UBASH3B: variants seen among roughly 807,000 people sequenced by gnomAD.
The protein encoded by UBASH3B is ubiquitin-associated and SH3 domain-containing protein B.
In UBASH3B, 37 loss-of-function variants were observed where a neutral mutation model predicts 83.4. That is an observed-to-expected ratio of 0.44 (90% CI 0.34 to 0.58). The LOEUF is 0.58. Ranked by LOEUF, UBASH3B falls within the 20% of genes least tolerant of loss-of-function variation. The pLI, the probability that UBASH3B is intolerant of heterozygous loss-of-function variation, is 0.01. For synonymous variants in UBASH3B, 304 were observed against 318.3 expected (o/e 0.96, Z 0.48); for missense variants, 657 against 827.2 (o/e 0.79, Z 2.52).
At chr11:122,658,013 T>C (rs1219445951) in intron 1 of UBASH3B, among the ~76,000 whole-genome samples, 2 of 151,872 alleles carry the variant, frequency 1.3e-5, no homozygotes, top group Non-Finnish European at 2.9e-5. Context: ...CTGTCTTTAC[T>C]AAAAATACAA....
intron 1 of UBASH3B, among the ~76,000 whole-genome samples, chr11:122,720,608 CCT>C (rs1175013113): frequency 6.6e-6 from 1 of 152,206 alleles, no homozygotes; most frequent in African/African-American, 2.4e-5. Context: ...GCATGTACCT[CCT>C]TGCCCATTCA....
intron 1 of UBASH3B, among the ~76,000 whole-genome samples, chr11:122,735,006 A>G (rs999311511): frequency 6.6e-6 from 1 of 152,160 alleles, no homozygotes; most frequent in African/African-American, 2.4e-5. Flanking sequence ...GCCATTCAGG[A>G]GTGAACTTTT....
intron 1 of UBASH3B, among the ~76,000 whole-genome samples, chr11:122,688,375 T>C (rs1264034218): frequency 6.6e-6 from 1 of 151,852 alleles, no homozygotes. Flanking sequence ...GCAATTCTCC[T>C]GTCTCAGTCT....
At chr11:122,670,095 G>T (rs1863573946) in intron 1 of UBASH3B, among the ~76,000 whole-genome samples, 1 of 152,176 alleles carries the variant, frequency 6.6e-6, no homozygotes. Flanking sequence ...CAGTGGGGTT[G>T]GCTGTCTAGT....
In UBASH3B at chr11:122,783,935, T is replaced by A. The variant is rs148717865; in HGVS notation, c.771+713T>A. 1.8e-4 allele frequency among the ~76,000 whole-genome samples: 27 copies of A among 150,134 alleles called. No individual in the cohort carries two copies. The East Asian group carries it at 5.0e-3, about 28-fold the overall frequency. ...AGTATGTGACATCTTGGAAGCATAA[T>A]ATTGCCTTTTTTTTTTTTTTTTAAA... On this transcript the variant is annotated intron_variant, in intron 5 of 13. Transcript: ENST00000284273.
At chr11:122,727,844 A>T (rs1288995785) in intron 1 of UBASH3B, among the ~76,000 whole-genome samples, 1 of 151,898 alleles carries the variant, frequency 6.6e-6, no homozygotes, top group Admixed American at 6.6e-5. Flanking sequence ...CCACCCAAAG[A>T]CCCAAAGAGA....
chr11:122,673,536 G>A (rs1863627495), intron 1 of UBASH3B, among the ~76,000 whole-genome samples: 1 of 152,170 alleles, frequency 6.6e-6, no homozygotes, highest in South Asian at 2.1e-4. Context: ...GCGGGCGCCT[G>A]TAGTCCCAGC....
intron 1 of UBASH3B, among the ~76,000 whole-genome samples, chr11:122,705,889 C>T (rs1864112164): frequency 6.6e-6 from 1 of 151,988 alleles, no homozygotes; most frequent in South Asian, 2.1e-4. Flanking sequence ...AGCTGATGCC[C>T]TTCTTTTGTG....
At chr11:122,723,026 C>A (rs1176270820) in intron 1 of UBASH3B, among the ~76,000 whole-genome samples, 1 of 152,168 alleles carries the variant, frequency 6.6e-6, no homozygotes, top group Non-Finnish European at 1.5e-5. Context: ...TTTCTTTCGC[C>A]ATGGGGCTAT....
At chr11:122,757,952 C>A (rs534286215) in intron 1 of UBASH3B, among the ~76,000 whole-genome samples, 1 of 147,580 alleles carries the variant, frequency 6.8e-6, no homozygotes, top group African/African-American at 2.4e-5. Context: ...ATGATCCACC[C>A]GCCTCGGCCT....
At chr11:122,771,748 AACACACACACACACACACACACACAC>A in intron 1 of UBASH3B, among the ~76,000 whole-genome samples, 1 of 147,238 alleles carries the variant, frequency 6.8e-6, no homozygotes, top group Non-Finnish European at 1.5e-5. Context: ...GCTGTGTTAA[AACACACACACACACACACACACACAC>A]ACACACACAC....
intron 1 of UBASH3B, among the ~76,000 whole-genome samples, chr11:122,702,829 T>C (rs1315652886): frequency 1.3e-5 from 2 of 152,048 alleles, no homozygotes; most frequent in African/African-American, 4.8e-5. Flanking sequence ...CCTGGCCAGA[T>C]TTTTAACTCA....
At chr11:122,786,253 G>A (rs1408300212) in intron 5 of UBASH3B, among the ~76,000 whole-genome samples, 2 of 152,032 alleles carry the variant, frequency 1.3e-5, no homozygotes, top group African/African-American at 4.8e-5. Flanking sequence ...GTTTCACCAT[G>A]TTAGCCAGGA....
At chr11:122,763,814 A>G (rs1456774693) in intron 1 of UBASH3B, among the ~76,000 whole-genome samples, 1 of 151,848 alleles carries the variant, frequency 6.6e-6, no homozygotes, top group Non-Finnish European at 1.5e-5. Flanking sequence ...GTGTAGAGCC[A>G]TTATGGTTGA....
At chr11:122,708,291 C>CA (rs535644775) in intron 1 of UBASH3B, among the ~76,000 whole-genome samples, 4 of 127,688 alleles carry the variant, frequency 3.1e-5, no homozygotes, top group Non-Finnish European at 6.4e-5. Context: ...CTTTGCTTGG[C>CA]TTTTTTTTTT....
At chr11:122,690,264 A>G (rs1268944010) in intron 1 of UBASH3B, among the ~76,000 whole-genome samples, 1 of 138,172 alleles carries the variant, frequency 7.2e-6, no homozygotes, top group East Asian at 2.1e-4. Context: ...AATTATATAT[A>G]TATATATCTC....
Position 122,808,183 on chromosome 11 carries a change from C to A in UBASH3B, c.1812+7C>A, listed in dbSNP as rs1410862465. The A allele has an allele frequency of 6.2e-7, 1 of 1,610,914 alleles. No homozygotes were observed. Among genetic ancestry groups the A allele is most frequent in the African/African-American group, 1.3e-5 (1 of 74,888 alleles). On this transcript the variant is annotated splice_region_variant and intron_variant, in intron 13 of 13. Transcript: ENST00000284273. ...CGTACAAATGGTCCGAAAGGTAATT[C>A]ATTCTCGTACTTTGGGGTCCGTGAT...
intron 1 of UBASH3B, among the ~76,000 whole-genome samples, chr11:122,734,468 TG>T (rs1355209031): frequency 5.3e-5 from 8 of 152,096 alleles, no homozygotes; most frequent in Admixed American, 5.2e-4. Flanking sequence ...TACTAGTTGT[TG>T]GTGGCTTCCA....
At chr11:122,802,188 G>A (rs1437710718) in intron 11 of UBASH3B, among the ~76,000 whole-genome samples, 3 of 151,830 alleles carry the variant, frequency 2.0e-5, no homozygotes, top group African/African-American at 2.4e-5. Context: ...GGTGGCACAC[G>A]CCTGTAGTCC....
Sources: allele counts gnomAD v4.1 joint callset (sites outside exome capture counted in the v4.1 genomes callset), GRCh38; gene constraint gnomAD v4.1.1; transcripts MANE v1.5; gene names NCBI Gene and HGNC (gene_info 2026-07-23, HGNC 2026-07-21).